CTNNA2: variants seen among roughly 807,000 people sequenced by gnomAD.
CTNNA2 encodes the protein catenin alpha-2.
In CTNNA2, 42 loss-of-function variants were observed where a neutral mutation model predicts 101.0. The ratio of observed to expected loss-of-function variants is 0.42; its 90% CI spans 0.32 to 0.54. The LOEUF (loss-of-function observed/expected upper bound fraction) is 0.54, where lower values mean the gene tolerates loss of function less well. Among genes scored for constraint, CTNNA2 ranks in the 20% least tolerant of loss-of-function variants. The probability of loss-of-function intolerance (pLI) is 0.14; values close to 1 mark genes in which losing one functional copy is unlikely to be tolerated. For missense variants in CTNNA2, 871 were observed against 1,223.1 expected (o/e 0.71, Z 4.29); for synonymous variants, 450 against 456.4 (o/e 0.99, Z 0.18).
intron 7 of CTNNA2, among the ~76,000 whole-genome samples, chr2:79,994,080 G>T (rs1043935762): frequency 6.6e-6 from 1 of 151,778 alleles, no homozygotes; most frequent in African/African-American, 2.4e-5. Context: ...GCTATTTTGG[G>T]GTTTTTTTAC....
rs2304339 is a variant in CTNNA2, at chr2:80,555,909, G to A, written c.1741+16G>A. 12,955 of 1,444,180 alleles carry A rather than the reference G, an allele frequency of 9.0e-3. 840 individuals carry two copies. In the African/African-American group the frequency reaches 0.15, roughly 17 times the overall value. 89.5% of individuals were successfully genotyped at this position (1,444,180 alleles called of 1,614,324 possible). A position where few individuals can be genotyped will look rare whatever the true frequency, so the allele number is the denominator to read the frequency against. ...TCTGAAACAGGTAAGCATGGGTATT[G>A]GGTCTGGCCAAAATGTTAATGCCTT... On this transcript the variant is annotated intron_variant, in intron 12 of 18. Transcript: ENST00000402739.
chr2:79,953,007 G>A (rs1688989370), intron 7 of CTNNA2, among the ~76,000 whole-genome samples: 1 of 152,144 alleles, frequency 6.6e-6, no homozygotes, highest in Admixed American at 6.5e-5. Context: ...GATGTCTCAG[G>A]ATGTAGCCCT....
rs1224419711 is a variant in CTNNA2, at chr2:79,874,200, G to A, written c.710G>A (p.Arg237Lys). 1 of 1,614,134 alleles carries A rather than the reference G, an allele frequency of 6.2e-7. No homozygotes were observed. The highest frequency in any genetic ancestry group is 1.7e-5 in the Admixed American group (1 of 60,022). Residue 237 changes from arginine (R) to lysine (K), a missense_variant, in exon 6 of 19, where the codon AGA (arginine) becomes AAA (lysine). Arg to Lys is a conservative substitution (Grantham distance 26). Around this residue, in one of 5 missense-constraint regions of CTNNA2, gnomAD observed 647 missense variants for 831.5 expected, o/e 0.78. Transcript: ENST00000402739. ...FLRHPDVAAT[R>K]ANRDYVFKQV... ...CGCCACCCAGATGTCGCCGCTACGA[G>A]AGCCAACCGAGATTATGTGTTCAAA...
intron 4 of CTNNA2, among the ~76,000 whole-genome samples, chr2:79,473,019 A>G (rs1671015788): frequency 6.6e-6 from 1 of 152,162 alleles, no homozygotes; most frequent in Admixed American, 6.5e-5. Context: ...AGCTTCCAAT[A>G]ATAATGTCAC....
At chr2:79,357,687 G>A (rs184964778) in intron 3 of CTNNA2, among the ~76,000 whole-genome samples, 14 of 152,158 alleles carry the variant, frequency 9.2e-5, no homozygotes, top group Admixed American at 5.2e-4. Flanking sequence ...ATCATGCAAA[G>A]CTGCTAAAAA....
chr2:80,548,964 T>C (rs535728188), intron 11 of CTNNA2, among the ~76,000 whole-genome samples: 2 of 152,280 alleles, frequency 1.3e-5, no homozygotes, highest in Admixed American at 1.3e-4. Context: ...TAAAAACAGA[T>C]CTTTGTTTTT....
intron 7 of CTNNA2, among the ~76,000 whole-genome samples, chr2:80,217,084 G>A (rs569988688): frequency 7.9e-5 from 12 of 151,888 alleles, no homozygotes; most frequent in East Asian, 1.9e-4. Flanking sequence ...TGCCCACCTC[G>A]GCCTCCCAAA....
intron 3 of CTNNA2, among the ~76,000 whole-genome samples, chr2:79,848,008 A>G (rs528117157): frequency 6.6e-6 from 1 of 152,256 alleles, no homozygotes; most frequent in Non-Finnish European, 1.5e-5. Context: ...GATTTGTGTC[A>G]TGGTTGTAGG....
At chr2:79,894,138 G>A (rs1358450661) in intron 6 of CTNNA2, among the ~76,000 whole-genome samples, 1 of 149,980 alleles carries the variant, frequency 6.7e-6, no homozygotes, top group East Asian at 2.0e-4. Flanking sequence ...AACTACGTTT[G>A]GTAATATAGC....
intron 7 of CTNNA2, among the ~76,000 whole-genome samples, chr2:79,939,267 G>T (rs1393475260): frequency 6.6e-6 from 1 of 152,174 alleles, no homozygotes. Flanking sequence ...GAAGTAGCTT[G>T]TAGCATCTGA....
At chr2:80,262,846 T>G (rs986491320) in intron 7 of CTNNA2, among the ~76,000 whole-genome samples, 1 of 152,182 alleles carries the variant, frequency 6.6e-6, no homozygotes, top group African/African-American at 2.4e-5. Flanking sequence ...TCTTAAGAAC[T>G]AAAAATCAGG....
chr2:80,250,038 A>G (rs974903269), intron 7 of CTNNA2, among the ~76,000 whole-genome samples: 6 of 152,086 alleles, frequency 3.9e-5, no homozygotes, highest in Admixed American at 2.0e-4. Flanking sequence ...TATATACAAG[A>G]TGGAATCATT....
intron 8 of CTNNA2, among the ~76,000 whole-genome samples, chr2:80,410,219 T>A (rs568491311): frequency 2.0e-4 from 30 of 152,202 alleles, no homozygotes; most frequent in Non-Finnish European, 3.5e-4. Context: ...CAACTTTTGG[T>A]CATTTTTGAG....
intron 18 of CTNNA2, among the ~76,000 whole-genome samples, chr2:80,630,687 G>A (rs1672196836): frequency 6.6e-6 from 1 of 151,998 alleles, no homozygotes; most frequent in Non-Finnish European, 1.5e-5. Flanking sequence ...TACATGGTGA[G>A]AGAATGAGTA....
chr2:79,520,436 T>C (rs986114798), intron 1 of CTNNA2, among the ~76,000 whole-genome samples: 1 of 152,208 alleles, frequency 6.6e-6, no homozygotes, highest in African/African-American at 2.4e-5. Context: ...TAATCTGTGA[T>C]GTTGGATTAG....
chr2:79,185,725 T>G (rs1673768910), intron 1 of CTNNA2, among the ~76,000 whole-genome samples: 1 of 152,138 alleles, frequency 6.6e-6, no homozygotes, highest in Non-Finnish European at 1.5e-5. Flanking sequence ...AGAAGAGTAT[T>G]TAATAAATGT....
intron 2 of CTNNA2, among the ~76,000 whole-genome samples, chr2:79,741,283 A>G (rs1671270561): frequency 6.6e-6 from 1 of 152,150 alleles, no homozygotes; most frequent in African/African-American, 2.4e-5. Flanking sequence ...ATCTTAAATA[A>G]TCTGTCTCTA....
At chr2:79,706,076 A>C (rs1454252512) in intron 2 of CTNNA2, among the ~76,000 whole-genome samples, 2 of 152,106 alleles carry the variant, frequency 1.3e-5, no homozygotes, top group South Asian at 4.1e-4. Context: ...AAAAATTAGC[A>C]TGTGTGGGCC....
At chr2:80,013,269 A>C (rs980174880) in intron 7 of CTNNA2, among the ~76,000 whole-genome samples, 1 of 152,182 alleles carries the variant, frequency 6.6e-6, no homozygotes, top group Non-Finnish European at 1.5e-5. Context: ...TCCAGATTTG[A>C]GTTTTCACCC....
Sources: allele counts gnomAD v4.1 joint callset (sites outside exome capture counted in the v4.1 genomes callset), GRCh38; gene constraint gnomAD v4.1.1; regional missense constraint gnomAD v4.1.1; transcripts MANE v1.5; gene names NCBI Gene and HGNC (gene_info 2026-07-23, HGNC 2026-07-21).